Variants in SPEG observed in about 807,000 individuals in gnomAD.
SPEG encodes striated muscle preferentially expressed protein kinase.
A neutral mutation model predicts 300.4 loss-of-function variants in SPEG; 114 were observed. The ratio of observed to expected loss-of-function variants is 0.38; its 90% CI spans 0.33 to 0.44. The LOEUF is 0.44. Ranked by LOEUF, SPEG falls within the 20% of genes least tolerant of loss-of-function variation. SPEG has a pLI of 1.00. For missense variants in SPEG, 4,201 were observed against 4,586.2 expected, an observed-to-expected ratio of 0.92 and a Z score of 2.43; for synonymous variants, 1,964 against 2,018.9, an observed-to-expected ratio of 0.97 and a Z score of 0.73.
In SPEG at chr2:219,444,558, T is replaced by G; in HGVS notation, c.389-95T>G. ...GCTGGCAGCCCTGCCAGTGATAAGA[T>G]GGAGCCTGCTGTTGGCAGGGAGGCA... On this transcript the variant is annotated intron_variant, in intron 1 of 40. Transcript: ENST00000312358. The surrounding 1 kb of genome is among the most constrained non-coding windows in gnomAD (Gnocchi z 7.8). The G allele has an allele frequency of 1.9e-6, 2 of 1,034,508 alleles. No homozygotes were observed. The highest frequency in any genetic ancestry group is 3.0e-6 in the Non-Finnish European group (2 of 669,274). The allele number at this position is 1,034,508 out of a possible 1,614,324, so 64.1% of individuals were successfully genotyped here.
intron 6 of SPEG, among the ~76,000 whole-genome samples, chr2:219,454,604 C>T (rs113614692): frequency 2.0e-5 from 3 of 152,286 alleles, no homozygotes; most frequent in Admixed American, 6.5e-5. Flanking sequence ...GGACGTGTGG[C>T]AGGTGGGGAC....
Position 219,476,984 on chromosome 2 carries a change from T to C in SPEG, c.4560+2T>C. 1 of 1,601,822 alleles carries C rather than the reference T, an allele frequency of 6.2e-7. No individual in the cohort carries two copies. The highest frequency in any genetic ancestry group is 8.5e-7 in the Non-Finnish European group (1 of 1,172,758). On this transcript the variant is annotated splice_donor_variant, in intron 19 of 40. Coordinates refer to ENST00000312358, the MANE Select transcript of SPEG (RefSeq NM_005876.5). LOFTEE classifies it high-confidence loss of function. ...CTGCCGGACATCATGTGGTACAAGG[T>C]CAGAGTGTGCTGCTGGCTGAGCCTG...
rs1689736461 is a variant in SPEG at position 219,451,403 on chromosome 2, G to A, written c.2257+124G>A. On this transcript the variant is annotated intron_variant, in intron 5 of 40. Coordinates refer to ENST00000312358, the MANE Select transcript of SPEG (RefSeq NM_005876.5). The surrounding 1 kb of genome is among the most constrained non-coding windows in gnomAD (Gnocchi z 6.4). ...GAAAGAGGGGAATTATCCCCTCCAC[G>A]GGGGCTGCCCTGACTTGGGTGTGTG... is the stretch of plus-strand genomic sequence containing the variant. 3.7e-6 allele frequency: 5 copies of A among 1,336,268 alleles called. No individual in the cohort carries two copies. Among genetic ancestry groups the A allele is most frequent in the Admixed American group, 5.6e-5 (2 of 35,448 alleles). 82.8% of individuals were successfully genotyped at this position (1,336,268 alleles called of 1,614,324 possible).
At position 219,443,984 on chromosome 2, in the gene SPEG, A is replaced by T; in HGVS notation, c.389-669A>T. 1 of 1,357,754 alleles carries T rather than the reference A, an allele frequency of 7.4e-7. No individual in the cohort carries two copies. Among genetic ancestry groups the T allele is most frequent in the Non-Finnish European group, 9.8e-7 (1 of 1,017,182 alleles). The allele number at this position is 1,357,754 out of a possible 1,614,324, so 84.1% of individuals were successfully genotyped here. A position where few individuals can be genotyped will look rare whatever the true frequency, so the allele number is the denominator to read the frequency against. On this transcript the variant is annotated intron_variant, in intron 1 of 40. Coordinates refer to ENST00000312358, the MANE Select transcript of SPEG (RefSeq NM_005876.5). The surrounding 1 kb of genome is among the most constrained non-coding windows in gnomAD (Gnocchi z 4.6). The stretch of plus-strand genomic sequence containing the variant: ...TGCCCTGCCCCACAAACGCTCTGAT[A>T]ACAGTCTGTCCCTGTCTCTCTCCTG...
chr2:219,476,881 T>C lies in SPEG; in HGVS notation c.4459T>C (p.Phe1487Leu). Reference protein sequence around the residue: ...VTLELAEAPRFESIMEDVEVG... With the variant: ...VTLELAEAPRLESIMEDVEVG... Reference sequence around the variant, plus strand: ...CCCATGTGTTTCAGAGGCCCCTCGGTTTGAGTCCATCATGGAGGACGTGGA... The same window carrying C: ...CCCATGTGTTTCAGAGGCCCCTCGGCTTGAGTCCATCATGGAGGACGTGGA... The change falls in exon 19 of 41, where the codon TTT becomes CTT. Residue 1487 changes from phenylalanine to leucine, a missense_variant. Transcript: ENST00000312358. The C allele has an allele frequency of 1.2e-6, 2 of 1,612,680 alleles. No homozygotes were observed. The highest frequency in any genetic ancestry group is 1.7e-6 in the Non-Finnish European group (2 of 1,179,218).
At chr2:219,446,696 C>T (rs1001361986) in intron 3 of SPEG, among the ~76,000 whole-genome samples, 1 of 152,170 alleles carries the variant, frequency 6.6e-6, no homozygotes, top group African/African-American at 2.4e-5. Flanking sequence ...GAAATAAGGG[C>T]TCAGGATTCT....
intron 6 of SPEG, among the ~76,000 whole-genome samples, chr2:219,454,232 G>A (rs753352288): frequency 3.3e-5 from 5 of 152,178 alleles, no homozygotes; most frequent in African/African-American, 9.7e-5. Flanking sequence ...TAGAGAATGC[G>A]GCCCCATGGA....
rs1300854972 is a variant in SPEG at position 219,477,499 on chromosome 2, G to A, written c.4729+54G>A. The A allele has an allele frequency of 2.7e-6, 4 of 1,505,502 alleles. No individual in the cohort carries two copies. Among genetic ancestry groups the A allele is most frequent in the African/African-American group, 1.4e-5 (1 of 72,146 alleles). 93.3% of individuals were successfully genotyped at this position (1,505,502 alleles called of 1,614,324 possible). On this transcript the variant is annotated intron_variant, in intron 20 of 40. Transcript: ENST00000312358. This position sits in a 1 kb window ranked among gnomAD's most constrained non-coding sequence, Gnocchi z 6.4. ...GCGCACACCCCCTGGAATCTGATGT[G>A]ACCCTCCATGCTCTGCCCAGGAAGC...
In SPEG at chr2:219,480,551, T is replaced by G; in HGVS notation, c.5343-120T>G. The G allele has an allele frequency of 9.9e-7, 1 of 1,012,482 alleles. No individual in the cohort carries two copies. The highest frequency in any genetic ancestry group is 1.6e-6 in the Non-Finnish European group (1 of 640,698). 62.7% of individuals were successfully genotyped at this position (1,012,482 alleles called of 1,614,324 possible). On this transcript the variant is annotated intron_variant, in intron 25 of 40. Transcript: ENST00000312358. This position sits in a 1 kb window ranked among gnomAD's most constrained non-coding sequence, Gnocchi z 5.3. ...CCTGAAGAAGCCACTCCTGTGCCCA[T>G]TGTCCATGGCAGTGTTCCCAGGGAG...
At chr2:219,492,460 G>A (rs1694061309) in intron 40 of SPEG, 134 bp from the exon 41 acceptor site, 1 of 1,123,054 alleles carries the variant, frequency 8.9e-7, no homozygotes, top group Admixed American at 2.2e-5. Flanking sequence ...CTGGGGAACT[G>A]AGCTCTTGAG....
intron 10 of SPEG, among the ~76,000 whole-genome samples, chr2:219,467,919 A>G (rs533716260): frequency 6.6e-6 from 1 of 152,318 alleles, no homozygotes; most frequent in South Asian, 2.1e-4. Context: ...CAAATGGCAC[A>G]CCTGCCTAAT....
chr2:219,489,539 C>T lies in SPEG; in HGVS notation c.8521C>T (p.Pro2841Ser), dbSNP rs1288349686. The part of the protein sequence containing the change: ...ALSSLKAVGP[P>S]PQTPPRRHRG... Reference sequence around the variant, plus strand: ...GTCCTCGCTCAAGGCTGTGGGTCCACCACCCCAAACCCCTCCACGAAGACA... The same window carrying T: ...GTCCTCGCTCAAGGCTGTGGGTCCATCACCCCAAACCCCTCCACGAAGACA... Residue 2841 changes from proline (P) to serine (S), a missense_variant, in exon 36 of 41, where the codon CCA (proline) becomes TCA (serine). Coordinates refer to ENST00000312358, the MANE Select transcript of SPEG (RefSeq NM_005876.5). The T allele has an allele frequency of 1.2e-6, 2 of 1,613,516 alleles. No individual in the cohort carries two copies. The highest frequency in any genetic ancestry group is 1.1e-5 in the South Asian group (1 of 91,050).
At chr2:219,465,868 CGTGTGTGCGTGCGTGTGCATGTGTGCGT>C in intron 9 of SPEG, 1 of 611,842 alleles carries the variant, frequency 1.6e-6, no homozygotes, top group East Asian at 2.9e-5. Flanking sequence ...CATGTGTGTG[CGTGTGTGCGTGCGTGTGCATGTGTGCGT>C]ATGGGTGTGT....
At chr2:219,456,536 G>A (rs924090261) in intron 6 of SPEG, among the ~76,000 whole-genome samples, 14 of 152,242 alleles carry the variant, frequency 9.2e-5, no homozygotes, top group Non-Finnish European at 1.9e-4. Flanking sequence ...CTCACAGCCT[G>A]TCAGAAGAAT....
chr2:219,485,865 C>T (rs1397429), intron 31 of SPEG, among the ~76,000 whole-genome samples: 80,663 of 152,056 alleles, frequency 0.53, 24,424 homozygotes, highest in East Asian at 0.75. Flanking sequence ...ACACCACTTA[C>T]GTCTGTCGGG....
In SPEG at chr2:219,489,512, T is replaced by G. The variant is rs1248914741; in HGVS notation, c.8494T>G (p.Leu2832Val). The change falls in exon 36 of 41, where the codon TTG becomes GTG. Residue 2832 changes from leucine (L) to valine (V), a missense_variant. By Grantham distance (32) the Leu-to-Val change is conservative (BLOSUM62 1). Around this residue, in one of 4 missense-constraint regions of SPEG, gnomAD observed 1,578 missense variants for 1,506.0 expected, o/e 1.05. Coordinates refer to ENST00000312358, the MANE Select transcript of SPEG (RefSeq NM_005876.5). ...TCCCCCCACACCTCCTAGCCAGGCC[T>G]TGTCCTCGCTCAAGGCTGTGGGTCC... ...SSPPTPPSQA[L>V]SSLKAVGPPP... The G allele has an allele frequency of 6.4e-7, 1 of 1,571,488 alleles. No individual in the cohort carries two copies. The highest frequency in any genetic ancestry group is 8.6e-7 in the Non-Finnish European group (1 of 1,162,374).
In SPEG at chr2:219,449,098, G is replaced by A; in HGVS notation, c.1940G>A (p.Gly647Asp). ...AVRFLPWATP[G>D]LEGAAVPQTL... Reference sequence around the variant, plus strand: ...CGCTTCCTGCCCTGGGCCACGCCGGGCCTGGAGGGCGCTGCTGTACCCCAG... The same window carrying A: ...CGCTTCCTGCCCTGGGCCACGCCGGACCTGGAGGGCGCTGCTGTACCCCAG... The change falls in exon 4 of 41, where the codon GGC becomes GAC. Residue 647 changes from glycine to aspartate, a missense_variant. By Grantham distance (94) the Gly-to-Asp change is moderately conservative (BLOSUM62 -1). Coordinates refer to ENST00000312358, the MANE Select transcript of SPEG (RefSeq NM_005876.5). The A allele has an allele frequency of 1.3e-6, 2 of 1,493,086 alleles. No homozygotes were observed. The highest frequency in any genetic ancestry group is 1.8e-6 in the Non-Finnish European group (2 of 1,122,932). The allele number at this position is 1,493,086 out of a possible 1,614,324, so 92.5% of individuals were successfully genotyped here. A position where few individuals can be genotyped will look rare whatever the true frequency, so the allele number is the denominator to read the frequency against.
In SPEG at chr2:219,477,810, TG is replaced by T; in HGVS notation, c.4826+30del. On this transcript the variant is annotated intron_variant, in intron 21 of 40. Coordinates refer to ENST00000312358, the MANE Select transcript of SPEG (RefSeq NM_005876.5). This position sits in a 1 kb window ranked among gnomAD's most constrained non-coding sequence, Gnocchi z 6.4. ...GGTGTGGGGCTAGGAGGGAAGCCAGTGGGGGCCGAGAGAGGCTGCTGGGTCT... is the reference window on the plus strand; with the variant it reads ...GGTGTGGGGCTAGGAGGGAAGCCAGTGGGGCCGAGAGAGGCTGCTGGGTCT... 3.1e-6 allele frequency: 5 copies of T among 1,595,952 alleles called. No homozygotes were observed. The highest frequency in any genetic ancestry group is 4.3e-6 in the Non-Finnish European group (5 of 1,167,916).
chr2:219,472,241 C>T lies in SPEG; in HGVS notation c.3850C>T (p.Pro1284Ser), dbSNP rs779044785. The T allele has an allele frequency of 6.2e-7, 1 of 1,613,816 alleles. No individual in the cohort carries two copies. Among genetic ancestry groups the T allele is most frequent in the South Asian group, 1.1e-5 (1 of 91,084 alleles). Residue 1284 changes from proline to serine, a missense_variant, in exon 15 of 41, where the codon CCT becomes TCT. By Grantham distance (74) the Pro-to-Ser change is moderately conservative (BLOSUM62 -1). This residue lies in a region of SPEG where 1,047 missense variants were observed against 1,356.8 expected (regional missense o/e 0.77). Coordinates refer to ENST00000312358, the MANE Select transcript of SPEG (RefSeq NM_005876.5). ...HLYVTDVVPG[P>S]PDGAPQVVAV... ...GCGGCTTTCAGATGTGGTCCCAGGC[C>T]CTCCAGATGGCGCCCCGCAGGTGGT...
Sources: allele counts gnomAD v4.1 joint callset (sites outside exome capture counted in the v4.1 genomes callset), GRCh38; gene constraint gnomAD v4.1.1; regional missense constraint gnomAD v4.1.1; non-coding constraint Gnocchi (gnomAD v3.1); transcripts MANE v1.5; gene names NCBI Gene and HGNC (gene_info 2026-07-23, HGNC 2026-07-21).